Variants in LINGO2 observed in about 807,000 individuals in gnomAD.
LINGO2 encodes the protein leucine rich repeat and Ig domain containing 2.
A neutral mutation model predicts 30.6 loss-of-function variants in LINGO2; 14 were observed. The ratio of observed to expected loss-of-function variants is 0.46; its 90% CI spans 0.30 to 0.72. The LOEUF (loss-of-function observed/expected upper bound fraction) is 0.72, where lower values mean the gene tolerates loss of function less well. Among genes scored for constraint, LINGO2 ranks in the 30% least tolerant of loss-of-function variants. The pLI is 0.07. For synonymous variants in LINGO2, 317 were observed against 288.5 expected, an observed-to-expected ratio of 1.10 and a Z score of -1.00; for missense variants, 729 against 751.7, an observed-to-expected ratio of 0.97 and a Z score of 0.35.
the LINGO2 span, among the ~76,000 whole-genome samples, chr9:28,847,718 A>G: frequency 1.8e-3 from 253 of 138,132 alleles, 11 homozygotes; most frequent in African/African-American, 6.9e-3. Flanking sequence ...TTATTTCCCT[A>G]ATATATAGTG....
the LINGO2 span, among the ~76,000 whole-genome samples, chr9:28,932,392 G>A: frequency 6.6e-6 from 1 of 152,012 alleles, no homozygotes; most frequent in Admixed American, 6.6e-5. Context: ...TCCAGGACTG[G>A]AGTCAAATTT....
the LINGO2 span, among the ~76,000 whole-genome samples, chr9:29,142,474 CT>C: frequency 2.6e-5 from 4 of 151,626 alleles, no homozygotes; most frequent in African/African-American, 9.7e-5. Flanking sequence ...AAATAAACAA[CT>C]TAACTTTATA....
the LINGO2 span, among the ~76,000 whole-genome samples, chr9:29,037,158 A>G: frequency 1.3e-5 from 2 of 151,844 alleles, no homozygotes; most frequent in African/African-American, 4.8e-5. Context: ...AAAGTGTGGA[A>G]CCTTATCTAC....
chr9:29,050,818 AT>A, the LINGO2 span, among the ~76,000 whole-genome samples: 5 of 152,122 alleles, frequency 3.3e-5, no homozygotes, highest in Non-Finnish European at 7.3e-5. Flanking sequence ...ACATACATAT[AT>A]GTCTTTAAGC....
chr9:28,255,095 T>C (rs1822338320), intron 4 of LINGO2, among the ~76,000 whole-genome samples: 1 of 152,116 alleles, frequency 6.6e-6, no homozygotes, highest in Admixed American at 6.6e-5. Context: ...CCAATTTTAT[T>C]TCAAAATAGT....
the LINGO2 span, among the ~76,000 whole-genome samples, chr9:29,027,847 T>C: frequency 1.3e-5 from 2 of 152,118 alleles, no homozygotes; most frequent in Non-Finnish European, 2.9e-5. Flanking sequence ...AAGGTGGAAA[T>C]AGTAGCTAAA....
chr9:28,178,338 A>C (rs1828805257), intron 4 of LINGO2, among the ~76,000 whole-genome samples: 1 of 152,206 alleles, frequency 6.6e-6, no homozygotes, highest in African/African-American at 2.4e-5. Flanking sequence ...CGTAGTTTAC[A>C]ATCTCAGTAA....
At chr9:29,052,977 G>A in the LINGO2 span, among the ~76,000 whole-genome samples, 1 of 151,996 alleles carries the variant, frequency 6.6e-6, no homozygotes, top group Non-Finnish European at 1.5e-5. Context: ...AAAACAAAAA[G>A]TTAATTATTT....
At chr9:28,673,086 T>G, upstream of LINGO2, among the ~76,000 whole-genome samples, 1 of 152,232 alleles carries the variant, frequency 6.6e-6, no homozygotes, top group East Asian at 1.9e-4. Flanking sequence ...AATAGCATTG[T>G]GTTTGTAGGG....
chr9:29,060,870 A>T, the LINGO2 span, among the ~76,000 whole-genome samples: 16 of 152,114 alleles, frequency 1.1e-4, no homozygotes, highest in African/African-American at 3.4e-4. Flanking sequence ...GATAGGAAAA[A>T]AAATTTTCTT....
chr9:28,378,112 A>G (rs1671363874), intron 2 of LINGO2, among the ~76,000 whole-genome samples: 1 of 152,190 alleles, frequency 6.6e-6, no homozygotes, highest in East Asian at 1.9e-4. Context: ...CCACCACTAC[A>G]CTGCATCAAA....
At chr9:28,443,463 C>T (rs1161210118) in intron 2 of LINGO2, among the ~76,000 whole-genome samples, 7 of 152,210 alleles carry the variant, frequency 4.6e-5, no homozygotes, top group Non-Finnish European at 1.0e-4. Context: ...TGCCCCATGG[C>T]TCTAGACTCA....
the LINGO2 span, among the ~76,000 whole-genome samples, chr9:29,167,885 T>C: frequency 1.3e-5 from 2 of 152,156 alleles, no homozygotes; most frequent in Non-Finnish European, 2.9e-5. Flanking sequence ...TGTACCCTGT[T>C]ACATGGCCAT....
At chr9:28,903,157 T>A in the LINGO2 span, among the ~76,000 whole-genome samples, 1 of 150,966 alleles carries the variant, frequency 6.6e-6, no homozygotes. Flanking sequence ...GACAGAAGAT[T>A]CAAATAAATA....
the LINGO2 span, among the ~76,000 whole-genome samples, chr9:28,943,718 G>A: frequency 1.8e-4 from 27 of 152,140 alleles, no homozygotes; most frequent in African/African-American, 6.5e-4. Flanking sequence ...CTCTGTAATG[G>A]ATGGAAAAAA....
At chr9:28,527,987 CTAAT>C (rs1554732674) in intron 1 of LINGO2, among the ~76,000 whole-genome samples, 2 of 152,162 alleles carry the variant, frequency 1.3e-5, no homozygotes. Context: ...TAGTTCCAAA[CTAAT>C]TATCAGTAAA....
At chr9:28,374,468 CA>C (rs1348338472) in intron 2 of LINGO2, among the ~76,000 whole-genome samples, 3 of 151,742 alleles carry the variant, frequency 2.0e-5, no homozygotes, top group Non-Finnish European at 4.4e-5. Context: ...AATAAGAAAG[CA>C]AAAACCAAAC....
chr9:28,319,432 T>C (rs905041055), intron 3 of LINGO2, among the ~76,000 whole-genome samples: 1 of 152,218 alleles, frequency 6.6e-6, no homozygotes, highest in Non-Finnish European at 1.5e-5. Flanking sequence ...ATTCCAAATC[T>C]TAATTGTATC....
intron 1 of LINGO2, among the ~76,000 whole-genome samples, chr9:28,546,995 A>G (rs1821983918): frequency 6.6e-6 from 1 of 152,128 alleles, no homozygotes; most frequent in African/African-American, 2.4e-5. Flanking sequence ...AACTGCAGGA[A>G]AAATTGACTG....
Sources: allele counts gnomAD v4.1 joint callset (sites outside exome capture counted in the v4.1 genomes callset), GRCh38; gene constraint gnomAD v4.1.1; transcripts MANE v1.5; gene names NCBI Gene and HGNC (gene_info 2026-07-23, HGNC 2026-07-21).